The following CALB2 variants were observed in gnomAD, a reference collection of about 807,000 sequenced individuals.
CALB2 encodes calbindin 2, also known as calretinin.
In CALB2, 34 loss-of-function variants were observed where a neutral mutation model predicts 45.9. The ratio of observed to expected loss-of-function variants is 0.74; its 90% confidence interval spans 0.56 to 0.99. The LOEUF is 0.99. Ranked by LOEUF, CALB2 falls within the 50% of genes least tolerant of loss-of-function variation. The probability of loss-of-function intolerance (pLI) is 0.00; values close to 1 mark genes in which losing one functional copy is unlikely to be tolerated. For missense variants in CALB2, 344 were observed against 339.3 expected, an observed-to-expected ratio of 1.01 and a Z score of -0.11; for synonymous variants, 142 against 129.6, an observed-to-expected ratio of 1.10 and a Z score of -0.65.
chr16:71,377,888 C>T (rs1231694457), intron 4 of CALB2, 141 bp downstream of exon 4: 6 of 602,990 alleles, frequency 1.0e-5, no homozygotes, highest in South Asian at 2.1e-5. Context: ...AAGTGTGGTC[C>T]GTGGACCGGC....
intron 2 of CALB2, among the ~76,000 whole-genome samples, chr16:71,374,211 T>G (rs990846253): frequency 5.3e-5 from 8 of 152,230 alleles, no homozygotes; most frequent in Non-Finnish European, 1.5e-5. Flanking sequence ...TAAATTACCC[T>G]TCGGCTACAT....
rs1447467571 is a variant in CALB2, at chr16:71,366,022, C to CTTTTTTTTTTTTTTTTT, written c.95-6130_95-6129insTTTTTTTTTTTTTTTTT. ...TTTCTTTGTTTTCTTCCCTCTCTCT[C>CTTTTTTTTTTTTTTTTT]TCTTTTTTTTTTTTTTTTTTTTGAG... On this transcript the variant is annotated intron_variant, in intron 1 of 10. Transcript: ENST00000302628. Among the ~76,000 whole-genome samples, 78 of 50,498 alleles carry CTTTTTTTTTTTTTTTTT rather than the reference C, an allele frequency of 1.5e-3. 13 individuals carry two copies. The highest frequency in any genetic ancestry group is 1.9e-3 in the Non-Finnish European group (56 of 29,252). The allele number at this position is 50,498 out of a possible 152,430, so 33.1% of individuals were successfully genotyped here.
At chr16:71,382,054 A>G (rs1161517878) in intron 4 of CALB2, among the ~76,000 whole-genome samples, 1 of 98,806 alleles carries the variant, frequency 1.0e-5, no homozygotes, top group African/African-American at 4.1e-5. Context: ...TAGGAGGAGG[A>G]GGAGAGGGGG....
intron 1 of CALB2, among the ~76,000 whole-genome samples, chr16:71,363,340 C>T (rs1196418355): frequency 3.3e-5 from 5 of 152,120 alleles, no homozygotes; most frequent in South Asian, 2.1e-4. Flanking sequence ...GCCCAGGTGA[C>T]GTAGGGGGTG....
rs772451161 is a variant in CALB2 at position 71,358,846 on chromosome 16, G to C, written c.54G>C (p.Ala18=). ...PPYLHLAELT[A]SQFLEIWKHF... Reference sequence around the variant, plus strand: ...ACCTGCACCTGGCCGAGCTGACGGCGTCCCAGTTCCTGGAAATATGGAAGC... The same window carrying C: ...ACCTGCACCTGGCCGAGCTGACGGCCTCCCAGTTCCTGGAAATATGGAAGC... The change falls in exon 1 of 11, where the codon GCG becomes GCC. Residue 18 remains alanine, a synonymous_variant. Transcript: ENST00000302628. 3.7e-6 allele frequency: 6 copies of C among 1,612,978 alleles called. No individual in the cohort carries two copies. Among genetic ancestry groups the C allele is most frequent in the South Asian group, 1.1e-5 (1 of 90,822 alleles).
intron 10 of CALB2, 29 bp downstream of exon 10, chr16:71,385,677 C>T (rs2042562445): frequency 1.2e-6 from 2 of 1,602,728 alleles, no homozygotes; most frequent in Non-Finnish European, 1.7e-6. Context: ...GGCCCGGCCA[C>T]TGTCCCCAGG....
chr16:71,383,387 G>A lies in CALB2; in HGVS notation c.420G>A (p.Leu140=), dbSNP rs2042523101. Residue 140 remains leucine, a synonymous_variant, in exon 6 of 11, where the codon CTG becomes CTA. Coordinates refer to ENST00000302628, the MANE Select transcript of CALB2 (RefSeq NM_001740.5). ...NELKGFLSDL[L]KKANRPYDEP... is the part of the protein sequence containing the mutation. ...TGCAGGGATTCCTGTCAGACCTGCT[G>A]AAGAAGGCGAACCGGCCGTACGATG... 5.0e-6 allele frequency: 8 copies of A among 1,614,024 alleles called. 1 individual carries two copies. The highest frequency in any genetic ancestry group is 2.7e-5 in the African/African-American group (2 of 74,918).
intron 1 of CALB2, among the ~76,000 whole-genome samples, chr16:71,362,774 T>G (rs79296732): frequency 0.044 from 6,730 of 152,146 alleles, 491 homozygotes; most frequent in African/African-American, 0.15. Context: ...CTCTGAAGAG[T>G]GGATGAGCCA....
At chr16:71,377,095 G>A (rs1285878017) in intron 3 of CALB2, among the ~76,000 whole-genome samples, 1 of 152,226 alleles carries the variant, frequency 6.6e-6, no homozygotes, top group Non-Finnish European at 1.5e-5. Flanking sequence ...GGTAAGGGCG[G>A]TTGGGTGGGC....
chr16:71,382,693 A>G, intron 4 of CALB2, 26 bp from the exon 5 acceptor site: 1 of 1,608,352 alleles, frequency 6.2e-7, no homozygotes, highest in South Asian at 1.1e-5. Flanking sequence ...GTCTTTGCAA[A>G]GAGGTTGACA....
chr16:71,370,172 T>G lies in CALB2; in HGVS notation c.95-1981T>G, dbSNP rs541244790. Among the ~76,000 whole-genome samples the G allele has an allele frequency of 2.6e-5, 4 of 152,368 alleles. No individual in the cohort carries two copies. In the East Asian group the frequency reaches 7.7e-4, roughly 29 times the overall value. On this transcript the variant is annotated intron_variant, in intron 1 of 10. Transcript: ENST00000302628. ...GTGATTCGTGCCATACAATATTTAT[T>G]GTGGCATATTCTTCACTCGAGAGTG...
At chr16:71,388,413 A>G (rs751331018) in intron 10 of CALB2, among the ~76,000 whole-genome samples, 8 of 152,144 alleles carry the variant, frequency 5.3e-5, no homozygotes, top group Non-Finnish European at 8.8e-5. Context: ...AAGGAAAGAA[A>G]GAAAAGGTTG....
At chr16:71,379,314 T>A (rs1208489784) in intron 4 of CALB2, among the ~76,000 whole-genome samples, 1 of 139,322 alleles carries the variant, frequency 7.2e-6, no homozygotes, top group Non-Finnish European at 1.6e-5. Context: ...AATAAATAAA[T>A]AAAATTAGCA....
chr16:71,366,024 C>CTTTTTTTTTT lies in CALB2; in HGVS notation c.95-6118_95-6109dup, dbSNP rs1171021532. 6.7e-4 allele frequency among the ~76,000 whole-genome samples: 30 copies of CTTTTTTTTTT among 45,060 alleles called. 1 individual carries two copies. Among genetic ancestry groups the CTTTTTTTTTT allele is most frequent in the East Asian group, 1.2e-3 (2 of 1,652 alleles). 29.6% of individuals were successfully genotyped at this position (45,060 alleles called of 152,430 possible). A position where few individuals can be genotyped will look rare whatever the true frequency, so the allele number is the denominator to read the frequency against. ...TCTTTGTTTTCTTCCCTCTCTCTCT[C>CTTTTTTTTTT]TTTTTTTTTTTTTTTTTTTTGAGAT... is the stretch of plus-strand genomic sequence containing the variant. On this transcript the variant is annotated intron_variant, in intron 1 of 10. Transcript: ENST00000302628.
At chr16:71,389,393 A>C in intron 10 of CALB2, 1 of 453,926 alleles carries the variant, frequency 2.2e-6, no homozygotes, top group Non-Finnish European at 4.4e-6. Context: ...CTGTCACAAT[A>C]GCTACCTTTT....
rs1232602543 is a variant in CALB2 at position 71,389,832 on chromosome 16, G to A, written c.783G>A (p.Leu261=). ...CAGGGAAGCTCTACCGCAAGGACCTGGAGATTGTGCTCTGCAGCGAGCCCC... is the reference window on the plus strand; with the variant it reads ...CAGGGAAGCTCTACCGCAAGGACCTAGAGATTGTGCTCTGCAGCGAGCCCC... ...AEAGKLYRKD[L]EIVLCSEPPM is the part of the protein sequence containing the mutation. The change falls in exon 11 of 11, where the codon CTG becomes CTA. Residue 261 remains leucine (L), a synonymous_variant. Transcript: ENST00000302628. The A allele has an allele frequency of 1.8e-5, 29 of 1,613,902 alleles. No individual in the cohort carries two copies. The highest frequency in any genetic ancestry group is 2.4e-5 in the Non-Finnish European group (28 of 1,179,938).
chr16:71,377,889 G>T, intron 4 of CALB2, 142 bp downstream of exon 4: 1 of 603,796 alleles, frequency 1.7e-6, no homozygotes, highest in Non-Finnish European at 2.9e-6. Context: ...AGTGTGGTCC[G>T]TGGACCGGCA....
chr16:71,382,810 G>A (rs2042515912), intron 5 of CALB2, 35 bp downstream of exon 5: 1 of 1,581,972 alleles, frequency 6.3e-7, no homozygotes, highest in African/African-American at 1.4e-5. Flanking sequence ...TGAGGCCAGA[G>A]TGGCGGTGGG....
chr16:71,380,292 C>CTTTTTTTTTTTTTTTTTTTT (rs544138378), intron 4 of CALB2, among the ~76,000 whole-genome samples: 1 of 43,822 alleles, frequency 2.3e-5, no homozygotes, highest in African/African-American at 8.2e-5. Flanking sequence ...CCTTCCTTTT[C>CTTTTTTTTTTTTTTTTTTTT]TTTTTTTTTT....
Sources: allele counts gnomAD v4.1 joint callset (sites outside exome capture counted in the v4.1 genomes callset), GRCh38; gene constraint gnomAD v4.1.1; transcripts MANE v1.5; gene names NCBI Gene and HGNC (gene_info 2026-07-23, HGNC 2026-07-21).